GTPBP10: variants seen among roughly 807,000 people sequenced by gnomAD.
The protein encoded by GTPBP10 is GTP-binding protein 10.
A neutral mutation model predicts 44.8 loss-of-function variants in GTPBP10; 38 were observed. The observed-to-expected ratio is 0.85, with a 90% CI of 0.65 to 1.11. GTPBP10 has a LOEUF of 1.11. GTPBP10 is among the 50% of genes most tolerant of loss of function. The probability of loss-of-function intolerance (pLI) is 0.00; values close to 1 mark genes in which losing one functional copy is unlikely to be tolerated. For missense variants in GTPBP10, 462 were observed against 453.7 expected (o/e 1.02, Z -0.17); for synonymous variants, 152 against 150.6 (o/e 1.01, Z -0.07).
intron 1 of GTPBP10, among the ~76,000 whole-genome samples, chr7:90,349,914 TTTC>T (rs1430249694): frequency 6.6e-6 from 1 of 151,834 alleles, no homozygotes; most frequent in East Asian, 1.9e-4. Flanking sequence ...GCCAAACCTA[TTTC>T]TTCTTTTTTT....
At chr7:90,358,404 T>C (rs1795947197) in intron 4 of GTPBP10, among the ~76,000 whole-genome samples, 1 of 151,944 alleles carries the variant, frequency 6.6e-6, no homozygotes, top group South Asian at 2.1e-4. Flanking sequence ...CAGCATGGTA[T>C]TGACAGAGAA....
At chr7:90,356,128 C>T (rs188288155) in intron 4 of GTPBP10, among the ~76,000 whole-genome samples, 3 of 151,982 alleles carry the variant, frequency 2.0e-5, no homozygotes, top group Admixed American at 2.0e-4. Flanking sequence ...TTTTCATGTT[C>T]CTCTTCAGTC....
chr7:90,372,559 C>T (rs900964431), intron 5 of GTPBP10, among the ~76,000 whole-genome samples: 5 of 149,620 alleles, frequency 3.3e-5, no homozygotes, highest in Non-Finnish European at 7.4e-5. Flanking sequence ...CTCAAGTGAT[C>T]TCCCACCTTG....
intron 4 of GTPBP10, among the ~76,000 whole-genome samples, chr7:90,364,729 G>A (rs549600040): frequency 6.6e-6 from 1 of 152,216 alleles, no homozygotes; most frequent in African/African-American, 2.4e-5. Flanking sequence ...TGCCCCCGGA[G>A]GTGGATTCTA....
chr7:90,358,779 G>T (rs544284105), intron 4 of GTPBP10, among the ~76,000 whole-genome samples: 1 of 152,244 alleles, frequency 6.6e-6, no homozygotes, highest in South Asian at 2.1e-4. Context: ...TAAAAGTCTT[G>T]TGCACAGCAA....
chr7:90,373,621 G>A (rs1159751598), intron 5 of GTPBP10, among the ~76,000 whole-genome samples: 2 of 152,178 alleles, frequency 1.3e-5, no homozygotes, highest in Non-Finnish European at 2.9e-5. Flanking sequence ...GCGTAGGATT[G>A]ATGAGGCTTA....
In GTPBP10 at chr7:90,352,098, A is replaced by C. The variant is rs199522675; in HGVS notation, c.34-718A>C. The stretch of plus-strand genomic sequence containing the variant: ...GTTCAGGCAACAAGTTGGAGAATGC[A>C]ATAAGGAAAAAATGCCTAAACACTG... On this transcript the variant is annotated intron_variant, in intron 1 of 9. Coordinates refer to ENST00000222511, the MANE Select transcript of GTPBP10 (RefSeq NM_033107.4). 2.0e-4 allele frequency among the ~76,000 whole-genome samples: 31 copies of C among 152,224 alleles called. 1 individual carries two copies. Among genetic ancestry groups the C allele is most frequent in the East Asian group, 3.8e-4 (2 of 5,202 alleles).
chr7:90,357,190 A>G (rs1438594236), intron 4 of GTPBP10, among the ~76,000 whole-genome samples: 2 of 152,178 alleles, frequency 1.3e-5, no homozygotes, highest in East Asian at 3.9e-4. Flanking sequence ...TTCACTGGGT[A>G]CTTTTCAAGA....
chr7:90,385,946 G>A lies in GTPBP10; in HGVS notation c.*792G>A, dbSNP rs1796517011. 1 of 152,058 alleles carries A rather than the reference G, an allele frequency of 6.6e-6. No homozygotes were observed. The highest frequency in any genetic ancestry group is 2.4e-5 in the African/African-American group (1 of 41,386). 9.4% of individuals were successfully genotyped at this position (152,058 alleles called of 1,614,324 possible). A position where few individuals can be genotyped will look rare whatever the true frequency, so the allele number is the denominator to read the frequency against. On this transcript the variant is annotated 3_prime_UTR_variant, in exon 10 of 10. Coordinates refer to ENST00000222511, the MANE Select transcript of GTPBP10 (RefSeq NM_033107.4). ...GTGGCGCATGCCTGTTGTAGCCCCAGCTACTCAAGAGGCTGAGGCAGGAGA... is the reference window on the plus strand; with the variant it reads ...GTGGCGCATGCCTGTTGTAGCCCCAACTACTCAAGAGGCTGAGGCAGGAGA...
At chr7:90,371,266 T>A in intron 4 of GTPBP10, 1 of 621,384 alleles carries the variant, frequency 1.6e-6, no homozygotes, top group South Asian at 7.1e-5. Flanking sequence ...TGAAAAATTG[T>A]AGACAACCTG....
rs77019447 is a variant in GTPBP10, at chr7:90,349,421, G to A, written c.33+2647G>A. ...TTGAACTCATGGGGTTCTGGGTAGC[G>A]GGGAGGTGGGGCACTGTCCATTAGC... On this transcript the variant is annotated intron_variant, in intron 1 of 9. Transcript: ENST00000222511. Among the ~76,000 whole-genome samples, 1,037 of 152,224 alleles carry A rather than the reference G, an allele frequency of 6.8e-3. 13 individuals carry two copies. The highest frequency in any genetic ancestry group is 0.023 in the African/African-American group (937 of 41,538).
chr7:90,365,671 C>T (rs17865830), intron 4 of GTPBP10, among the ~76,000 whole-genome samples: 4,331 of 152,216 alleles, frequency 0.028, 77 homozygotes, highest in African/African-American at 0.045. Flanking sequence ...CCACCGCGCC[C>T]GGCCGGGGTT....
chr7:90,382,719 T>C (rs997457608), intron 8 of GTPBP10, among the ~76,000 whole-genome samples: 1 of 152,202 alleles, frequency 6.6e-6, no homozygotes, highest in African/African-American at 2.4e-5. Flanking sequence ...TACCCATATT[T>C]GACTCTAGAC....
chr7:90,375,287 T>C (rs1323139952), intron 6 of GTPBP10, among the ~76,000 whole-genome samples: 1 of 152,054 alleles, frequency 6.6e-6, no homozygotes, highest in Non-Finnish European at 1.5e-5. Context: ...CACTATAAAG[T>C]ACAATACATA....
Position 90,376,856 on chromosome 7 carries a change from G to T in GTPBP10, c.592-651G>T, listed in dbSNP as rs797003220. Among the ~76,000 whole-genome samples, 6 of 152,268 alleles carry T rather than the reference G, an allele frequency of 3.9e-5. No individual in the cohort carries two copies. The South Asian group carries it at 1.0e-3, about 26-fold the overall frequency. On this transcript the variant is annotated intron_variant, in intron 6 of 9. Transcript: ENST00000222511. ...AATTAATAACCTCATAGATTTTTAC[G>T]AATTTGGAGTATAAAGGTTGAAATT...
chr7:90,353,514 T>G (rs1019766022), intron 2 of GTPBP10, among the ~76,000 whole-genome samples: 14 of 152,234 alleles, frequency 9.2e-5, no homozygotes, highest in African/African-American at 3.4e-4. Context: ...TTTTCACATG[T>G]CAAAATTATT....
At chr7:90,348,716 C>G (rs1323997694) in intron 1 of GTPBP10, among the ~76,000 whole-genome samples, 2 of 146,470 alleles carry the variant, frequency 1.4e-5, no homozygotes, top group Non-Finnish European at 3.0e-5. Flanking sequence ...TAATTTCTGT[C>G]ATGCTTTTGC....
chr7:90,372,142 A>G lies in GTPBP10; in HGVS notation c.465-13A>G, dbSNP rs1296146395. The G allele has an allele frequency of 6.5e-7, 1 of 1,547,460 alleles. No homozygotes were observed. Among genetic ancestry groups the G allele is most frequent in the Admixed American group, 1.7e-5 (1 of 58,674 alleles). ...TATTGACATTTGTGTATAATTTTAT[A>G]TTCTTGTTTCAGATTCCCAAATGCT... On this transcript the variant is annotated splice_polypyrimidine_tract_variant and intron_variant, in intron 4 of 9. Transcript: ENST00000222511.
In GTPBP10 at chr7:90,365,121, GCTGCACCCACTGTC is replaced by G. The variant is rs1219661656; in HGVS notation, c.465-7022_465-7009del. ...CCCTGCTTTGGCTCACACTCAGTGG[GCTGCACCCACTGTC>G]CTGCACCCACTATCCAACAAGCCCC... On this transcript the variant is annotated intron_variant, in intron 4 of 9. Transcript: ENST00000222511. 5.9e-5 allele frequency among the ~76,000 whole-genome samples: 9 copies of G among 152,216 alleles called. No individual in the cohort carries two copies. The East Asian group carries it at 9.7e-4, about 16-fold the overall frequency.
Sources: allele counts gnomAD v4.1 joint callset (sites outside exome capture counted in the v4.1 genomes callset), GRCh38; gene constraint gnomAD v4.1.1; transcripts MANE v1.5; gene names NCBI Gene and HGNC (gene_info 2026-07-23, HGNC 2026-07-21).